ZNF236: variants seen among roughly 807,000 people sequenced by gnomAD.
ZNF236 encodes zinc finger protein 236.
In ZNF236, 50 loss-of-function variants were observed where a neutral mutation model predicts 191.2. The observed-to-expected ratio is 0.26, with a 90% CI of 0.21 to 0.33. The LOEUF is 0.33. Among genes scored for constraint, ZNF236 ranks in the 10% least tolerant of loss-of-function variants. ZNF236 has a pLI of 1.00. For missense variants in ZNF236, 1,754 were observed against 2,374.5 expected, an observed-to-expected ratio of 0.74 and a Z score of 5.43; for synonymous variants, 907 against 928.8, an observed-to-expected ratio of 0.98 and a Z score of 0.43.
In ZNF236 at chr18:76,899,159, G is replaced by A; in HGVS notation, c.1831G>A (p.Gly611Ser). 1 of 1,614,130 alleles carries A rather than the reference G, an allele frequency of 6.2e-7. No individual in the cohort carries two copies. Among genetic ancestry groups the A allele is most frequent in the Non-Finnish European group, 8.5e-7 (1 of 1,180,006 alleles). ...GCGTAAACCTGCAAAGGTCCGTGTT[G>A]GCAAGACGAATATTCCAGTCCCTGA... ...HQRKPAKVRV[G>S]KTNIPVPDIP... Residue 611 changes from glycine (G) to serine (S), a missense_variant, in exon 11 of 31, where the codon GGC becomes AGC. Around this residue, in one of 5 missense-constraint regions of ZNF236, gnomAD observed 641 missense variants for 869.6 expected, o/e 0.74. Coordinates refer to ENST00000320610, the MANE Select transcript of ZNF236 (RefSeq NM_001306089.2).
intron 1 of ZNF236, among the ~76,000 whole-genome samples, chr18:76,830,426 G>C (rs555050264): frequency 6.6e-6 from 1 of 152,056 alleles, no homozygotes; most frequent in Non-Finnish European, 1.5e-5. Flanking sequence ...TTTATGGGCC[G>C]TAGTGGATAC....
intron 4 of ZNF236, among the ~76,000 whole-genome samples, chr18:76,871,131 CT>C (rs1404829919): frequency 6.6e-6 from 1 of 152,136 alleles, no homozygotes; most frequent in African/African-American, 2.4e-5. Context: ...AGTGTGACTC[CT>C]GAGACTTAAA....
rs928975349 is a variant in ZNF236, at chr18:76,968,879, A to G, written c.*540A>G. The G allele has an allele frequency of 7.1e-6, 7 of 986,916 alleles. No individual in the cohort carries two copies. The African/African-American group carries it at 8.7e-5, about 12-fold the overall frequency. The allele number at this position is 986,916 out of a possible 1,614,324, so 61.1% of individuals were successfully genotyped here. On this transcript the variant is annotated 3_prime_UTR_variant, in exon 31 of 31. Transcript: ENST00000320610. ...CAAAATGGACTCTTTTCAGTCTACC[A>G]TAAGTTAATATAACTGATACCTTGA...
rs550488594 is a variant in ZNF236 at position 76,823,741 on chromosome 18, C to T, written c.55+1079C>T. Reference sequence around the variant, plus strand: ...ATTGACTTGCCTTCCAAAGCCCCAGCCCGGAGCTTGAGGAACGGACTTTCC... The same window carrying T: ...ATTGACTTGCCTTCCAAAGCCCCAGTCCGGAGCTTGAGGAACGGACTTTCC... On this transcript the variant is annotated intron_variant, in intron 1 of 30. Transcript: ENST00000320610. Among the ~76,000 whole-genome samples, 521 of 152,346 alleles carry T rather than the reference C, an allele frequency of 3.4e-3. 11 individuals carry two copies. Among genetic ancestry groups the T allele is most frequent in the Non-Finnish European group, 5.0e-4 (34 of 68,026 alleles).
At chr18:76,856,647 AT>A (rs200883052) in intron 3 of ZNF236, among the ~76,000 whole-genome samples, 1 of 151,456 alleles carries the variant, frequency 6.6e-6, no homozygotes. Context: ...TAATTAAGTA[AT>A]TTTTTTTTGC....
Position 76,851,796 on chromosome 18 carries a change from C to T in ZNF236, c.220C>T (p.Pro74Ser). 6.2e-7 allele frequency: 1 copy of T among 1,613,348 alleles called. No individual in the cohort carries two copies. The highest frequency in any genetic ancestry group is 8.5e-7 in the Non-Finnish European group (1 of 1,179,688). Residue 74 changes from proline (P) to serine (S), a missense_variant, in exon 3 of 31, where the codon CCC (proline) becomes TCC (serine). By Grantham distance (74) the Pro-to-Ser change is moderately conservative. Around this residue, in one of 5 missense-constraint regions of ZNF236, gnomAD observed 336 missense variants for 495.1 expected, o/e 0.68. Transcript: ENST00000320610. Reference sequence around the variant, plus strand: ...ATAGCCACATCGATGTGACCAGTGCCCCCAAACATTTAATGTTGAATTCAA... The same window carrying T: ...ATAGCCACATCGATGTGACCAGTGCTCCCAAACATTTAATGTTGAATTCAA... ...NDKPHRCDQC[P>S]QTFNVEFNLT...
At chr18:76,882,833 GTATA>G (rs2122652364) in intron 9 of ZNF236, among the ~76,000 whole-genome samples, 1 of 152,288 alleles carries the variant, frequency 6.6e-6, no homozygotes, top group East Asian at 1.9e-4. Context: ...AGCCATTTCC[GTATA>G]TTTCGATTAG....
rs1976837354 is a variant in ZNF236, at chr18:76,880,040, T to TG, written c.985-73_985-72insG. 1 of 1,449,992 alleles carries TG rather than the reference T, an allele frequency of 6.9e-7. No individual in the cohort carries two copies. Among genetic ancestry groups the TG allele is most frequent in the Admixed American group, 2.2e-5 (1 of 45,862 alleles). 89.8% of individuals were successfully genotyped at this position (1,449,992 alleles called of 1,614,324 possible). A position where few individuals can be genotyped will look rare whatever the true frequency, so the allele number is the denominator to read the frequency against. On this transcript the variant is annotated intron_variant, in intron 7 of 30. Transcript: ENST00000320610. This position sits in a 1 kb window ranked among gnomAD's most constrained non-coding sequence, Gnocchi z 5.0. Reference sequence around the variant, plus strand: ...CCCTTAAGGAGGGTATTGCCTGTTTTTTTTTTTTTAATTTTCCTTTTTAAA... The same window carrying TG: ...CCCTTAAGGAGGGTATTGCCTGTTTTGTTTTTTTTTAATTTTCCTTTTTAAA...
At chr18:76,868,912 A>G (rs760126299) in intron 4 of ZNF236, 49 bp downstream of exon 4, 1 of 1,515,482 alleles carries the variant, frequency 6.6e-7, no homozygotes, top group African/African-American at 1.4e-5. Flanking sequence ...AATATGTTAA[A>G]AGCTGGCGCA....
chr18:76,908,485 G>A lies in ZNF236; in HGVS notation c.2463G>A (p.Met821Ile), dbSNP rs903374468. ...AEVVAANPEA[M>I]LDLEPQHVVG... ...TGGTCGCAGCGAACCCCGAGGCCATGCTGGACCTGGAGCCTCAGCATGTGG... is the reference window on the plus strand; with the variant it reads ...TGGTCGCAGCGAACCCCGAGGCCATACTGGACCTGGAGCCTCAGCATGTGG... The change falls in exon 14 of 31, where the codon ATG becomes ATA. Residue 821 changes from methionine to isoleucine, a missense_variant. Around this residue, in one of 5 missense-constraint regions of ZNF236, gnomAD observed 641 missense variants for 869.6 expected, o/e 0.74. Coordinates refer to ENST00000320610, the MANE Select transcript of ZNF236 (RefSeq NM_001306089.2). The A allele has an allele frequency of 2.4e-5, 38 of 1,614,044 alleles. No homozygotes were observed. The highest frequency in any genetic ancestry group is 3.1e-5 in the Non-Finnish European group (37 of 1,180,064).
rs777526542 is a variant in ZNF236, at chr18:76,905,422, G to A, written c.2297+7G>A. 2.5e-6 allele frequency: 4 copies of A among 1,610,740 alleles called. No homozygotes were observed. Among genetic ancestry groups the A allele is most frequent in the Non-Finnish European group, 1.7e-6 (2 of 1,177,502 alleles). On this transcript the variant is annotated splice_region_variant and intron_variant, in intron 13 of 30. Transcript: ENST00000320610. ...AGCACATGAAAACCCACAGGTGGGTGTAATTCTGGTGGTCACTTTTTATCA... is the reference window on the plus strand; with the variant it reads ...AGCACATGAAAACCCACAGGTGGGTATAATTCTGGTGGTCACTTTTTATCA...
intron 25 of ZNF236, among the ~76,000 whole-genome samples, chr18:76,932,566 C>T (rs138665188): frequency 3.9e-5 from 6 of 152,240 alleles, no homozygotes; most frequent in African/African-American, 1.2e-4. Context: ...GTGTGTGGGC[C>T]GAAGCGAGTG....
chr18:76,905,453 A>G, intron 13 of ZNF236, 38 bp downstream of exon 13: 1 of 1,592,224 alleles, frequency 6.3e-7, no homozygotes, highest in South Asian at 1.1e-5. Flanking sequence ...TATCATCTTT[A>G]TAATTTCCAG....
intron 25 of ZNF236, chr18:76,936,207 G>T (rs1967993901): frequency 6.8e-6 from 3 of 440,230 alleles, no homozygotes; most frequent in South Asian, 4.8e-5. Context: ...CTTTCCTTTG[G>T]TCGTCATCTT....
At chr18:76,882,402 T>C (rs1037951943) in intron 9 of ZNF236, among the ~76,000 whole-genome samples, 6 of 152,192 alleles carry the variant, frequency 3.9e-5, no homozygotes, top group African/African-American at 1.4e-4. Context: ...ATATCCCTTC[T>C]AGGTAATAAG....
At position 76,881,453 on chromosome 18, in the gene ZNF236, C is replaced by A; in HGVS notation, c.1358C>A (p.Pro453Gln). 6.2e-7 allele frequency: 1 copy of A among 1,613,396 alleles called. No homozygotes were observed. Among genetic ancestry groups the A allele is most frequent in the Non-Finnish European group, 8.5e-7 (1 of 1,179,890 alleles). ...DAEQEKEQES[P>Q]EKLDKKEKKM... ...GAGCAAGAAAAAGAACAGGAAAGCCCGGAGAAACTGGATAAAAAAGAAAAA... is the reference window on the plus strand; with the variant it reads ...GAGCAAGAAAAAGAACAGGAAAGCCAGGAGAAACTGGATAAAAAAGAAAAA... Residue 453 changes from proline (P) to glutamine (Q), a missense_variant, in exon 9 of 31, where the codon CCG becomes CAG. Coordinates refer to ENST00000320610, the MANE Select transcript of ZNF236 (RefSeq NM_001306089.2).
chr18:76,841,993 C>T (rs115044352), intron 1 of ZNF236, among the ~76,000 whole-genome samples: 1,800 of 152,266 alleles, frequency 0.012, 32 homozygotes, highest in African/African-American at 0.04. Flanking sequence ...GCCACTGTGC[C>T]TGGCCCAGCA....
Position 76,972,285 on chromosome 18 carries a change from A to T in ZNF236, c.*3946A>T, listed in dbSNP as rs1381975286. The stretch of plus-strand genomic sequence containing the variant: ...AACCACAGAGCTTTTCGTGGGCCAG[A>T]TGCCCACATATTCCTAGCAGAGACA... On this transcript the variant is annotated 3_prime_UTR_variant, in exon 31 of 31. Coordinates refer to ENST00000320610, the MANE Select transcript of ZNF236 (RefSeq NM_001306089.2). Among the ~76,000 whole-genome samples, 3 of 152,242 alleles carry T rather than the reference A, an allele frequency of 2.0e-5. No individual in the cohort carries two copies. The highest frequency in any genetic ancestry group is 4.4e-5 in the Non-Finnish European group (3 of 68,046).
chr18:76,869,204 A>G (rs886692019), intron 4 of ZNF236, among the ~76,000 whole-genome samples: 24 of 152,202 alleles, frequency 1.6e-4, no homozygotes, highest in African/African-American at 5.8e-4. Flanking sequence ...AGTTTGTGGT[A>G]CCCAACCGTT....
Sources: allele counts gnomAD v4.1 joint callset (sites outside exome capture counted in the v4.1 genomes callset), GRCh38; gene constraint gnomAD v4.1.1; regional missense constraint gnomAD v4.1.1; non-coding constraint Gnocchi (gnomAD v3.1); transcripts MANE v1.5; gene names NCBI Gene and HGNC (gene_info 2026-07-23, HGNC 2026-07-21).